Variants in PDE4B observed in about 807,000 individuals in gnomAD.
PDE4B encodes phosphodiesterase 4B.
Under a neutral mutation model 82.2 loss-of-function variants are expected in PDE4B, and 20 were observed. The ratio of observed to expected loss-of-function variants is 0.24; its 90% CI spans 0.17 to 0.35. The LOEUF is 0.35. Ranked by LOEUF, PDE4B falls within the 10% of genes least tolerant of loss-of-function variation. The probability of loss-of-function intolerance (pLI) is 1.00; values close to 1 mark genes in which losing one functional copy is unlikely to be tolerated. For missense variants in PDE4B, 655 were observed against 907.2 expected (o/e 0.72, Z 3.57); for synonymous variants, 320 against 318.9 (o/e 1.00, Z -0.04).
chr1:65,963,268 T>G (rs1157098675), intron 3 of PDE4B, among the ~76,000 whole-genome samples: 1 of 152,194 alleles, frequency 6.6e-6, no homozygotes, highest in Non-Finnish European at 1.5e-5. Flanking sequence ...GTAGTGCGTT[T>G]GGCCCTGCGA....
intron 6 of PDE4B, among the ~76,000 whole-genome samples, 181 bp from the exon 7 acceptor site, chr1:66,265,857 G>A (rs960209792): frequency 2.6e-5 from 4 of 152,328 alleles, no homozygotes; most frequent in African/African-American, 7.2e-5. Context: ...CCATCTGGAT[G>A]TGAGAGAATT....
At chr1:66,057,717 T>G (rs1254015087) in intron 3 of PDE4B, among the ~76,000 whole-genome samples, 1 of 152,168 alleles carries the variant, frequency 6.6e-6, no homozygotes, top group Non-Finnish European at 1.5e-5. Flanking sequence ...GTGAAACTTA[T>G]TAACTGTCAC....
intron 9 of PDE4B, among the ~76,000 whole-genome samples, chr1:66,358,746 C>T (rs1662503037): frequency 6.6e-6 from 1 of 151,808 alleles, no homozygotes; most frequent in African/African-American, 2.4e-5. Context: ...TGGCAACCAC[C>T]TCAGTGAGCA....
chr1:66,134,213 T>C lies in PDE4B; in HGVS notation c.282-113247T>C, dbSNP rs534315711. Among the ~76,000 whole-genome samples, 130 of 152,268 alleles carry C rather than the reference T, an allele frequency of 8.5e-4. 1 individual carries two copies. Among genetic ancestry groups the C allele is most frequent in the African/African-American group, 3.0e-3 (123 of 41,542 alleles). On this transcript the variant is annotated intron_variant, in intron 3 of 16. Coordinates refer to ENST00000341517, the MANE Select transcript of PDE4B (RefSeq NM_002600.4). ...TACTCTGATTCAGCCAGAGAAACAATTATGTCTTAGGCAGATAGTTACAAA... is the reference window on the plus strand; with the variant it reads ...TACTCTGATTCAGCCAGAGAAACAACTATGTCTTAGGCAGATAGTTACAAA...
intron 3 of PDE4B, among the ~76,000 whole-genome samples, chr1:66,151,645 C>G (rs1457521472): frequency 5.9e-5 from 9 of 152,182 alleles, no homozygotes; most frequent in Non-Finnish European, 7.3e-5. Context: ...TGGTTTAAAA[C>G]TCACCTTGAG....
intron 1 of PDE4B, among the ~76,000 whole-genome samples, chr1:65,862,957 G>T (rs1361822068): frequency 2.0e-5 from 3 of 151,948 alleles, no homozygotes; most frequent in Admixed American, 2.0e-4. Context: ...ATTATTCTGT[G>T]TAGTGGTCTA....
intron 1 of PDE4B, among the ~76,000 whole-genome samples, chr1:65,799,254 T>G (rs1645668055): frequency 6.6e-6 from 1 of 152,188 alleles, no homozygotes. Flanking sequence ...TTCCTTCAGT[T>G]CAGTGATGGC....
At chr1:65,885,987 C>T (rs530777653) in intron 1 of PDE4B, among the ~76,000 whole-genome samples, 7 of 150,906 alleles carry the variant, frequency 4.6e-5, no homozygotes, top group South Asian at 2.1e-4. Context: ...ACCTAAAATT[C>T]GGCCAGTTTG....
chr1:65,951,661 A>C (rs1649005993), intron 3 of PDE4B, among the ~76,000 whole-genome samples: 1 of 152,076 alleles, frequency 6.6e-6, no homozygotes, highest in Non-Finnish European at 1.5e-5. Context: ...ATGCAGGCCA[A>C]AGTGTTTTGA....
intron 1 of PDE4B, among the ~76,000 whole-genome samples, chr1:65,821,363 G>A (rs940574285): frequency 7.2e-5 from 11 of 152,176 alleles, no homozygotes; most frequent in African/African-American, 2.7e-4. Flanking sequence ...TTCTAATCCT[G>A]TTATGATTTA....
chr1:66,020,977 G>T (rs1249234109), intron 3 of PDE4B, among the ~76,000 whole-genome samples: 2 of 152,196 alleles, frequency 1.3e-5, no homozygotes, highest in African/African-American at 4.8e-5. Flanking sequence ...TCCAGCACCT[G>T]TTGTTTCCTG....
intron 1 of PDE4B, among the ~76,000 whole-genome samples, chr1:65,902,138 G>A (rs1240810884): frequency 2.0e-5 from 3 of 151,984 alleles, no homozygotes; most frequent in Non-Finnish European, 4.4e-5. Flanking sequence ...ATTCCAATGT[G>A]GACTGAGAGT....
At chr1:66,168,328 T>G (rs1176369212) in intron 3 of PDE4B, among the ~76,000 whole-genome samples, 1 of 152,082 alleles carries the variant, frequency 6.6e-6, no homozygotes, top group African/African-American at 2.4e-5. Flanking sequence ...ATATGGTATA[T>G]TAGACAGTGA....
chr1:66,188,974 A>C (rs1466450280), intron 3 of PDE4B, among the ~76,000 whole-genome samples: 1 of 151,910 alleles, frequency 6.6e-6, no homozygotes, highest in East Asian at 1.9e-4. Context: ...GGCTGGTACC[A>C]GTTTTTCCTT....
Position 66,213,235 on chromosome 1 carries a change from A to G in PDE4B, c.282-34225A>G, listed in dbSNP as rs12021931. Among the ~76,000 whole-genome samples, 1,947 of 152,340 alleles carry G rather than the reference A, an allele frequency of 0.013. 92 individuals are homozygous for G. The East Asian group carries it at 0.15, about 12-fold the overall frequency. ...TGAATAATTGTCTCAAGAAAGAACC[A>G]AGATACCTTGACTTTCTTCTTCTTT... On this transcript the variant is annotated intron_variant, in intron 3 of 16. Transcript: ENST00000341517.
At chr1:65,933,117 TGA>T in intron 3 of PDE4B, among the ~76,000 whole-genome samples, 1 of 151,936 alleles carries the variant, frequency 6.6e-6, no homozygotes, top group South Asian at 2.1e-4. Flanking sequence ...AGATACCAGA[TGA>T]AATGAACGGA....
chr1:65,837,509 G>T (rs1646153634), intron 1 of PDE4B, among the ~76,000 whole-genome samples: 1 of 152,212 alleles, frequency 6.6e-6, no homozygotes, highest in Non-Finnish European at 1.5e-5. Context: ...TTGGGAGGCT[G>T]AGGCAGGAGA....
At chr1:65,913,162 A>C (rs918537645) in intron 1 of PDE4B, 83 bp from the exon 2 acceptor site, 28 of 593,210 alleles carry the variant, frequency 4.7e-5, no homozygotes, top group Non-Finnish European at 7.5e-5. Flanking sequence ...TACATATTTC[A>C]AATGTTAATT....
intron 7 of PDE4B, among the ~76,000 whole-genome samples, chr1:66,319,836 C>A (rs1382659551): frequency 6.6e-6 from 1 of 152,188 alleles, no homozygotes; most frequent in Admixed American, 6.5e-5. Context: ...GATTTATAAG[C>A]CATTTTGTGC....
Sources: allele counts gnomAD v4.1 joint callset (sites outside exome capture counted in the v4.1 genomes callset), GRCh38; gene constraint gnomAD v4.1.1; transcripts MANE v1.5; gene names NCBI Gene and HGNC (gene_info 2026-07-23, HGNC 2026-07-21).